CNRIP1: variants seen among roughly 807,000 people sequenced by gnomAD.
CNRIP1 encodes the protein CB1 cannabinoid receptor-interacting protein 1.
In CNRIP1, 10 loss-of-function variants were observed where a neutral mutation model predicts 15.2. The ratio of observed to expected loss-of-function variants is 0.66; its 90% CI spans 0.41 to 1.12. The LOEUF (loss-of-function observed/expected upper bound fraction) is 1.12. Among genes scored for constraint, CNRIP1 ranks in the 50% most tolerant of loss-of-function variants. The pLI is 0.00. For missense variants in CNRIP1, 211 were observed against 214.7 expected (o/e 0.98, Z 0.11); for synonymous variants, 91 against 83.2 (o/e 1.09, Z -0.51).
At position 68,293,469 on chromosome 2, in the gene CNRIP1, A is replaced by G; in HGVS notation, c.*393T>C. ...GGACCCATACACATTGTTATTTTTA[A>G]ATTTAACATTGAACAAAAAAAAGGA... On this transcript the variant is annotated 3_prime_UTR_variant, in exon 3 of 3. Coordinates refer to ENST00000263655, the MANE Select transcript of CNRIP1 (RefSeq NM_015463.3). 1.0e-6 allele frequency: 1 copy of G among 1,000,102 alleles called. No homozygotes were observed. 62.0% of individuals were successfully genotyped at this position (1,000,102 alleles called of 1,614,324 possible). A position where few individuals can be genotyped will look rare whatever the true frequency, so the allele number is the denominator to read the frequency against.
In CNRIP1 at chr2:68,311,784, A is replaced by AGGG. The variant is rs1558668623; in HGVS notation, c.330+5372_330+5373insCCC. Among the ~76,000 whole-genome samples, 36 of 150,456 alleles carry AGGG rather than the reference A, an allele frequency of 2.4e-4. No homozygotes were observed. In the East Asian group the frequency reaches 7.0e-3, roughly 29 times the overall value. ...AGTGAGACTCCATCTCCGGGGAAAA[A>AGGG]AAAAAAAAAAAAAAAAAAGAAAAGG... On this transcript the variant is annotated intron_variant, in intron 2 of 2. Transcript: ENST00000263655.
intron 2 of CNRIP1, chr2:68,316,774 G>T: frequency 2.4e-6 from 1 of 422,124 alleles, no homozygotes; most frequent in Non-Finnish European, 4.2e-6. Context: ...GCTTTAAGTA[G>T]CAAAGTGTCA....
intron 2 of CNRIP1, among the ~76,000 whole-genome samples, chr2:68,308,197 T>TA (rs995272800): frequency 8.0e-5 from 12 of 150,296 alleles, no homozygotes; most frequent in South Asian, 2.1e-4. Flanking sequence ...TGTCTCTTAT[T>TA]AAAAAAACAA....
At chr2:68,319,083 C>A in intron 1 of CNRIP1, 139 bp downstream of exon 1, 1 of 786,322 alleles carries the variant, frequency 1.3e-6, no homozygotes, top group Non-Finnish European at 1.9e-6. Flanking sequence ...CAGGGAGTGA[C>A]CTCTTCCTCC....
intron 2 of CNRIP1, among the ~76,000 whole-genome samples, chr2:68,287,094 T>A (rs1021663065): frequency 2.0e-5 from 3 of 152,198 alleles, no homozygotes; most frequent in Non-Finnish European, 4.4e-5. Context: ...AAAAAGATGG[T>A]TTAATCCTTC....
At chr2:68,312,965 A>G (rs1470628262) in intron 2 of CNRIP1, among the ~76,000 whole-genome samples, 1 of 152,168 alleles carries the variant, frequency 6.6e-6, no homozygotes, top group Non-Finnish European at 1.5e-5. Flanking sequence ...AAGATGTCAA[A>G]TATCTTTAAG....
At position 68,293,956 on chromosome 2, in the gene CNRIP1, C is replaced by T; in HGVS notation, c.401G>A (p.Cys134Tyr). The T allele has an allele frequency of 6.2e-7, 1 of 1,614,090 alleles. No homozygotes were observed. Among genetic ancestry groups the T allele is most frequent in the Non-Finnish European group, 8.5e-7 (1 of 1,180,000 alleles). ...KFYNYHKRDH[C>Y]QWGSPFSVIE... ...GACAGAGAAGGGGCTTCCCCACTGG[C>T]AGTGATCCCGCTTGTGGTAATTGTA... The change falls in exon 3 of 3, where the codon TGC becomes TAC. Residue 134 changes from cysteine to tyrosine, a missense_variant. Cys to Tyr is a radical substitution (Grantham distance 194). Transcript: ENST00000263655.
chr2:68,318,980 AT>A (rs1382754834), intron 1 of CNRIP1, among the ~76,000 whole-genome samples: 7 of 152,252 alleles, frequency 4.6e-5, no homozygotes, highest in Non-Finnish European at 8.8e-5. Context: ...CTTGTCACTG[AT>A]TTTAAAGAAC....
chr2:68,304,682 G>A (rs1156410453), intron 2 of CNRIP1, among the ~76,000 whole-genome samples: 2 of 150,692 alleles, frequency 1.3e-5, no homozygotes, highest in Admixed American at 6.6e-5. Flanking sequence ...GAGCAGTGGT[G>A]CGATCTCAGC....
At chr2:68,291,505 G>A (rs572488352), downstream of CNRIP1, among the ~76,000 whole-genome samples, 203 of 151,986 alleles carry the variant, frequency 1.3e-3, no homozygotes, top group African/African-American at 4.9e-3. Context: ...TGATAACAGC[G>A]CAGCTATCCC....
Position 68,319,223 on chromosome 2 carries a change from C to G in CNRIP1, c.178G>C (p.Glu60Gln). Residue 60 changes from glutamate (E) to glutamine (Q), a missense_variant and splice_region_variant, in exon 1 of 3, where the codon GAG (glutamate) becomes CAG (glutamine). By Grantham distance (29) the Glu-to-Gln change is conservative. Transcript: ENST00000263655. Reference protein sequence around the residue: ...VKIKPSTLQVENISIGGVLVP... With the variant: ...VKIKPSTLQVQNISIGGVLVP... ...TGCCACCAGGCGCCCCGCACTCACT[C>G]GACCTGCAGCGTGCTGGGTTTAATC... 1 of 1,543,946 alleles carries G rather than the reference C, an allele frequency of 6.5e-7. No individual in the cohort carries two copies. Among genetic ancestry groups the G allele is most frequent in the Non-Finnish European group, 8.7e-7 (1 of 1,143,472 alleles).
chr2:68,287,802 A>G (rs1285234147), intron 2 of CNRIP1, among the ~76,000 whole-genome samples: 1 of 152,248 alleles, frequency 6.6e-6, no homozygotes, highest in Non-Finnish European at 1.5e-5. Context: ...AGGGCTGGAA[A>G]CATTTGGTAA....
In CNRIP1 at chr2:68,317,137, T is replaced by C. The variant is rs1259295195; in HGVS notation, c.330+20A>G. 1 of 1,614,104 alleles carries C rather than the reference T, an allele frequency of 6.2e-7. No individual in the cohort carries two copies. The highest frequency in any genetic ancestry group is 1.7e-5 in the Admixed American group (1 of 60,024). ...CATTTTCCATGGCACCATACTCCTA[T>C]ACCCGCAAGCAAGCCTTACCGGCAT... On this transcript the variant is annotated intron_variant, in intron 2 of 2. Coordinates refer to ENST00000263655, the MANE Select transcript of CNRIP1 (RefSeq NM_015463.3).
intron 2 of CNRIP1, among the ~76,000 whole-genome samples, chr2:68,298,047 A>G (rs1286775422): frequency 1.3e-5 from 2 of 152,186 alleles, no homozygotes; most frequent in Non-Finnish European, 2.9e-5. Context: ...AATAATATAT[A>G]CAGCCTGCAA....
At position 68,319,292 on chromosome 2, in the gene CNRIP1, T is replaced by C; in HGVS notation, c.109A>G (p.Thr37Ala). Residue 37 changes from threonine to alanine, a missense_variant, in exon 1 of 3, where the codon ACC becomes GCC. By Grantham distance (58) the Thr-to-Ala change is moderately conservative. Coordinates refer to ENST00000263655, the MANE Select transcript of CNRIP1 (RefSeq NM_015463.3). ...GAGGAGCCGGTGAGCAGCTTGATGG[T>C]GCGGTTCTGGCCGAAGCGCTGCCCG... is the stretch of plus-strand genomic sequence containing the variant. ...VDGQRFGQNRTIKLLTGSSYK... is the reference protein window; with the variant it reads ...VDGQRFGQNRAIKLLTGSSYK... The C allele has an allele frequency of 6.4e-7, 1 of 1,552,682 alleles. No individual in the cohort carries two copies. Among genetic ancestry groups the C allele is most frequent in the Non-Finnish European group, 8.7e-7 (1 of 1,147,956 alleles).
chr2:68,297,483 G>A (rs192625119), intron 2 of CNRIP1, among the ~76,000 whole-genome samples: 54 of 147,868 alleles, frequency 3.7e-4, no homozygotes, highest in Admixed American at 1.4e-3. Context: ...TGAAAGGATC[G>A]CTTGAGCTCA....
chr2:68,316,047 T>C (rs1672258461), intron 2 of CNRIP1: 5 of 152,228 alleles, frequency 3.3e-5, no homozygotes, highest in Non-Finnish European at 1.5e-5. Flanking sequence ...TTTCTAAAAA[T>C]AGTTCAAACA....
intron 2 of CNRIP1, among the ~76,000 whole-genome samples, chr2:68,300,666 A>G (rs917180049): frequency 6.6e-6 from 1 of 152,110 alleles, no homozygotes; most frequent in African/African-American, 2.4e-5. Flanking sequence ...AAATCAATGA[A>G]TTAGAAAAGA....
intron 2 of CNRIP1, among the ~76,000 whole-genome samples, chr2:68,303,285 T>G (rs1671688772): frequency 6.6e-6 from 1 of 152,228 alleles, no homozygotes; most frequent in Non-Finnish European, 1.5e-5. Context: ...ATTGCCAGAA[T>G]TTTAATGAGG....
Sources: gnomAD v4.1 joint callset for allele counts (sites outside exome capture counted in the v4.1 genomes callset) on GRCh38, gnomAD v4.1.1 for gene constraint, MANE v1.5 for transcripts, NCBI Gene and HGNC (gene_info 2026-07-23, HGNC 2026-07-21) for gene names.